Variants in RBBP9 observed in about 807,000 individuals in gnomAD.
RBBP9 encodes the protein serine hydrolase RBBP9.
RBBP9 carries 20 observed loss-of-function variants against 24.2 expected under a neutral mutation model. The observed-to-expected ratio is 0.83, with a 90% CI of 0.58 to 1.20. RBBP9 has a LOEUF of 1.20. Among genes scored for constraint, RBBP9 ranks in the 50% most tolerant of loss-of-function variants. The pLI is 0.00. For synonymous variants in RBBP9, 74 were observed against 84.6 expected, an observed-to-expected ratio of 0.87 and a Z score of 0.69; for missense variants, 234 against 233.6, an observed-to-expected ratio of 1.00 and a Z score of -0.01.
intron 3 of RBBP9, among the ~76,000 whole-genome samples, chr20:18,491,121 G>A (rs1204080648): frequency 2.0e-5 from 3 of 152,240 alleles, no homozygotes; most frequent in Non-Finnish European, 2.9e-5. Flanking sequence ...CAGAGTCTCT[G>A]ATTCAGAAAG....
At position 18,489,649 on chromosome 20, in the gene RBBP9, T is replaced by C. The variant is rs916315025; in HGVS notation, c.*115A>G. On this transcript the variant is annotated 3_prime_UTR_variant, in exon 5 of 5. Coordinates refer to ENST00000337227, the MANE Select transcript of RBBP9 (RefSeq NM_006606.3). Reference sequence around the variant, plus strand: ...TAGATTGAATGTTGAAACTTGTGTTTGTTTTTCAGGCACTTACGGAACTTA... The same window carrying C: ...TAGATTGAATGTTGAAACTTGTGTTCGTTTTTCAGGCACTTACGGAACTTA... The C allele has an allele frequency of 3.0e-6, 2 of 674,132 alleles. No individual in the cohort carries two copies. Among genetic ancestry groups the C allele is most frequent in the African/African-American group, 3.6e-5 (2 of 55,394 alleles). 41.8% of individuals were successfully genotyped at this position (674,132 alleles called of 1,614,324 possible). A position where few individuals can be genotyped will look rare whatever the true frequency, so the allele number is the denominator to read the frequency against.
intron 2 of RBBP9, among the ~76,000 whole-genome samples, chr20:18,494,541 C>T (rs1282315763): frequency 2.6e-5 from 4 of 151,848 alleles, no homozygotes; most frequent in Non-Finnish European, 4.4e-5. Flanking sequence ...ATTAGCCAGG[C>T]GTGATGGCGC....
intron 3 of RBBP9, among the ~76,000 whole-genome samples, chr20:18,492,714 C>A (rs772932347): frequency 6.6e-6 from 1 of 152,192 alleles, no homozygotes; most frequent in Non-Finnish European, 1.5e-5. Context: ...TTAACCCAAT[C>A]GTTTTGGCAT....
chr20:18,497,195 C>T lies in RBBP9; in HGVS notation c.-28G>A. 6.3e-7 allele frequency: 1 copy of T among 1,582,648 alleles called. No homozygotes were observed. The highest frequency in any genetic ancestry group is 8.7e-7 in the Non-Finnish European group (1 of 1,152,768). ...GTGCAGCGAGGCCAGAGTTCCCCAG[C>T]GCGGGTCCAGCGGAGCTGAGCCCAG... On this transcript the variant is annotated 5_prime_UTR_variant, in exon 1 of 5. Transcript: ENST00000337227.
Position 18,487,035 on chromosome 20 carries a change from A to G in RBBP9, c.*2729T>C, listed in dbSNP as rs780157366. ...CTTTTACTTTGTGCTATTACTCATT[A>G]TTGGATGGTGGGTGAGGGGAAAATA... On this transcript the variant is annotated 3_prime_UTR_variant, in exon 5 of 5. Transcript: ENST00000337227. 2.0e-5 allele frequency: 3 copies of G among 152,188 alleles called. No homozygotes were observed. The highest frequency in any genetic ancestry group is 2.9e-5 in the Non-Finnish European group (2 of 68,038). 9.4% of individuals were successfully genotyped at this position (152,188 alleles called of 1,614,324 possible).
intron 3 of RBBP9, among the ~76,000 whole-genome samples, chr20:18,491,568 A>G (rs1188439649): frequency 6.6e-6 from 1 of 152,178 alleles, no homozygotes; most frequent in Non-Finnish European, 1.5e-5. Context: ...AGATAATAAG[A>G]TATAAAGAGG....
chr20:18,491,022 C>G (rs2059863446), intron 3 of RBBP9, among the ~76,000 whole-genome samples: 1 of 152,142 alleles, frequency 6.6e-6, no homozygotes, highest in Non-Finnish European at 1.5e-5. Flanking sequence ...CAAACCTTTC[C>G]CAATAAACAA....
chr20:18,495,581 C>CAATAAATA lies in RBBP9; in HGVS notation c.142+249_142+256dup, dbSNP rs201771597. Among the ~76,000 whole-genome samples the CAATAAATA allele has an allele frequency of 4.3e-5, 5 of 117,122 alleles. No homozygotes were observed. The East Asian group carries it at 9.5e-4, about 22-fold the overall frequency. The allele number at this position is 117,122 out of a possible 152,430, so 76.8% of individuals were successfully genotyped here. On this transcript the variant is annotated intron_variant, in intron 2 of 4. Coordinates refer to ENST00000337227, the MANE Select transcript of RBBP9 (RefSeq NM_006606.3). The stretch of plus-strand genomic sequence containing the variant: ...TCTGCGAGAAACACCCAAGAATGAT[C>CAATAAATA]AATAAATAAATAAATAAATAAATAA...
intron 3 of RBBP9, among the ~76,000 whole-genome samples, chr20:18,491,216 G>C (rs768157049): frequency 5.3e-5 from 8 of 152,208 alleles, no homozygotes; most frequent in South Asian, 2.1e-4. Context: ...TCTGTGAACT[G>C]TATTTTAAGA....
chr20:18,487,031 C>T lies in RBBP9; in HGVS notation c.*2733G>A, dbSNP rs572821131. 6.6e-6 allele frequency: 1 copy of T among 152,268 alleles called. No individual in the cohort carries two copies. The highest frequency in any genetic ancestry group is 1.9e-4 in the East Asian group (1 of 5,188). 9.4% of individuals were successfully genotyped at this position (152,268 alleles called of 1,614,324 possible). On this transcript the variant is annotated 3_prime_UTR_variant, in exon 5 of 5. Transcript: ENST00000337227. Reference sequence around the variant, plus strand: ...GTCACTTTTACTTTGTGCTATTACTCATTATTGGATGGTGGGTGAGGGGAA... The same window carrying T: ...GTCACTTTTACTTTGTGCTATTACTTATTATTGGATGGTGGGTGAGGGGAA...
In RBBP9 at chr20:18,497,201, T is replaced by C. The variant is rs758256197; in HGVS notation, c.-34A>G. The C allele has an allele frequency of 6.4e-7, 1 of 1,564,158 alleles. No homozygotes were observed. Among genetic ancestry groups the C allele is most frequent in the African/African-American group, 1.4e-5 (1 of 73,830 alleles). On this transcript the variant is annotated 5_prime_UTR_variant, in exon 1 of 5. Coordinates refer to ENST00000337227, the MANE Select transcript of RBBP9 (RefSeq NM_006606.3). Reference sequence around the variant, plus strand: ...CGAGGCCAGAGTTCCCCAGCGCGGGTCCAGCGGAGCTGAGCCCAGCCTGCT... The same window carrying C: ...CGAGGCCAGAGTTCCCCAGCGCGGGCCCAGCGGAGCTGAGCCCAGCCTGCT...
intron 1 of RBBP9, among the ~76,000 whole-genome samples, chr20:18,496,577 T>C (rs2059887522): frequency 6.6e-6 from 1 of 152,120 alleles, no homozygotes; most frequent in South Asian, 2.1e-4. Context: ...GGGACTGAGA[T>C]GGGTAGACAT....
At chr20:18,495,581 CAATAAATAAATAAATAAATA>C (rs201771597) in intron 2 of RBBP9, among the ~76,000 whole-genome samples, 7 of 117,134 alleles carry the variant, frequency 6.0e-5, no homozygotes, top group Admixed American at 9.8e-5. Context: ...CAAGAATGAT[CAATAAATAAATAAATAAATA>C]AATAAATAAA....
In RBBP9 at chr20:18,493,946, C is replaced by T. The variant is rs2059874347; in HGVS notation, c.248+12G>A. 1 of 1,592,236 alleles carries T rather than the reference C, an allele frequency of 6.3e-7. No homozygotes were observed. On this transcript the variant is annotated intron_variant, in intron 3 of 4. Coordinates refer to ENST00000337227, the MANE Select transcript of RBBP9 (RefSeq NM_006606.3). ...GCCCACAAAGGGGATAGCAGTTTAA[C>T]AAAGATCGCACCTCATGGCCGCGAT...
intron 2 of RBBP9, among the ~76,000 whole-genome samples, chr20:18,495,394 C>T (rs530981286): frequency 6.7e-6 from 1 of 148,732 alleles, no homozygotes; most frequent in South Asian, 2.1e-4. Flanking sequence ...AGGCAGCATG[C>T]TCGTTAAGAG....
chr20:18,493,637 A>C (rs1298481412), intron 3 of RBBP9, among the ~76,000 whole-genome samples: 1 of 152,210 alleles, frequency 6.6e-6, no homozygotes, highest in African/African-American at 2.4e-5. Flanking sequence ...ATGTTCCAGG[A>C]ACTGCAATGA....
rs2148875109 is a variant in RBBP9 at position 18,495,835 on chromosome 20, T to TA, written c.142+2dup. 1.3e-6 allele frequency: 2 copies of TA among 1,560,734 alleles called. No individual in the cohort carries two copies. Among genetic ancestry groups the TA allele is most frequent in the East Asian group, 2.3e-5 (1 of 44,408 alleles). Reference sequence around the variant, plus strand: ...GCTATTTAAAAACAAGTTTAAAACTTACTTGGGTCGGGCATGTTTTTAGCC... The same window carrying TA: ...GCTATTTAAAAACAAGTTTAAAACTTAACTTGGGTCGGGCATGTTTTTAGCC... On this transcript the variant is annotated splice_region_variant and intron_variant, in intron 2 of 4. Transcript: ENST00000337227.
intron 1 of RBBP9, among the ~76,000 whole-genome samples, chr20:18,496,797 G>A (rs954323126): frequency 6.6e-6 from 1 of 152,168 alleles, no homozygotes; most frequent in Non-Finnish European, 1.5e-5. Flanking sequence ...AGCAGATACG[G>A]GGGGCGGGGC....
chr20:18,495,075 G>A (rs916067494), intron 2 of RBBP9, among the ~76,000 whole-genome samples: 12 of 151,042 alleles, frequency 7.9e-5, no homozygotes, highest in African/African-American at 4.9e-5. Context: ...CCACCACCCC[G>A]TCTGGGAGGT....
Sources: gnomAD v4.1 joint callset for allele counts (sites outside exome capture counted in the v4.1 genomes callset) on GRCh38, gnomAD v4.1.1 for gene constraint, MANE v1.5 for transcripts, NCBI Gene and HGNC (gene_info 2026-07-23, HGNC 2026-07-21) for gene names.